Variants in CRISP1 observed in about 807,000 individuals in gnomAD.
CRISP1 encodes the protein cysteine rich secretory protein 1, also known as cysteine-rich secretory protein 1.
CRISP1 carries 44 observed loss-of-function variants against 33.1 expected under a neutral mutation model. The observed-to-expected ratio is 1.33, with a 90% confidence interval of 1.05 to 1.71. The LOEUF (loss-of-function observed/expected upper bound fraction) is 1.71, where lower values mean the gene tolerates loss of function less well. Ranked by LOEUF, CRISP1 falls within the 40% of genes most tolerant of loss-of-function variation. The probability of loss-of-function intolerance (pLI) is 0.00; values close to 1 mark genes in which losing one functional copy is unlikely to be tolerated. For missense variants in CRISP1, 390 were observed against 301.2 expected (o/e 1.29, Z -2.18); for synonymous variants, 103 against 98.7 (o/e 1.04, Z -0.26).
chr6:49,868,160 T>A (rs932747100), upstream of CRISP1, among the ~76,000 whole-genome samples: 1 of 152,156 alleles, frequency 6.6e-6, no homozygotes, highest in African/African-American at 2.4e-5. Flanking sequence ...CAGCTTCATA[T>A]ATGGTTTTAA....
intron 4 of CRISP1, 44 bp downstream of exon 4, chr6:49,848,165 T>TG (rs1278187217): frequency 8.9e-7 from 1 of 1,129,808 alleles, no homozygotes; most frequent in East Asian, 2.4e-5. Context: ...TTACTATTTT[T>TG]TTTTTTTTTA....
At chr6:49,865,024 A>G (rs143807015) in intron 1 of CRISP1, among the ~76,000 whole-genome samples, 156 of 152,294 alleles carry the variant, frequency 1.0e-3, no homozygotes, top group African/African-American at 3.5e-3. Context: ...ATTTTCTTCT[A>G]TAAGATAGAT....
rs774112070 is a variant in CRISP1, at chr6:49,834,555, C to T, written c.*761G>A. 1.1e-4 allele frequency: 17 copies of T among 152,136 alleles called. No individual in the cohort carries two copies. Among genetic ancestry groups the T allele is most frequent in the Non-Finnish European group, 1.9e-4 (13 of 68,008 alleles). The allele number at this position is 152,136 out of a possible 1,614,324, so 9.4% of individuals were successfully genotyped here. A position where few individuals can be genotyped will look rare whatever the true frequency, so the allele number is the denominator to read the frequency against. The stretch of plus-strand genomic sequence containing the variant: ...TCTCCAAACAGAAGCTATTTATGCT[C>T]ATCTGGCAATAATAATATGTGACCT... On this transcript the variant is annotated 3_prime_UTR_variant, in exon 8 of 8. Transcript: ENST00000335847.
rs779785704 is a variant in CRISP1, at chr6:49,835,460, T to C, written c.623-17A>G. The C allele has an allele frequency of 4.3e-6, 7 of 1,612,128 alleles. No homozygotes were observed. The South Asian group carries it at 4.4e-5, about 10-fold the overall frequency. On this transcript the variant is annotated splice_polypyrimidine_tract_variant and intron_variant, in intron 7 of 7. Transcript: ENST00000335847. ...AGGGGTTAGCTGAAAGAAAATAGTA[T>C]GGTTTTACAACACAGTCTTTTAAAA...
chr6:49,848,889 C>T (rs1343197540), intron 3 of CRISP1, among the ~76,000 whole-genome samples: 2 of 151,636 alleles, frequency 1.3e-5, no homozygotes, highest in Non-Finnish European at 3.0e-5. Context: ...CTCACTTTAA[C>T]CTCATGGCAA....
At chr6:49,840,251 T>G (rs1160680593) in intron 6 of CRISP1, among the ~76,000 whole-genome samples, 1 of 152,214 alleles carries the variant, frequency 6.6e-6, no homozygotes, top group African/African-American at 2.4e-5. Flanking sequence ...TTACTTGATC[T>G]TGCTTCATAA....
At chr6:49,852,205 G>A in intron 2 of CRISP1, 76 bp from the exon 3 acceptor site, 1 of 1,358,704 alleles carries the variant, frequency 7.4e-7, no homozygotes, top group Non-Finnish European at 1.0e-6. Flanking sequence ...AGACCTATAG[G>A]TAATGCAAAT....
chr6:49,838,585 AC>A, intron 6 of CRISP1, 60 bp from the exon 7 acceptor site: 1 of 1,314,948 alleles, frequency 7.6e-7, no homozygotes, highest in Admixed American at 1.8e-5. Flanking sequence ...ATAAAACTTT[AC>A]TCACAGTGTA....
chr6:49,854,092 T>C (rs1771428415), intron 2 of CRISP1, among the ~76,000 whole-genome samples: 1 of 152,256 alleles, frequency 6.6e-6, no homozygotes, highest in South Asian at 2.1e-4. Flanking sequence ...CCTTCTTCCC[T>C]CAGTAAAGAG....
At chr6:49,874,935 G>A (rs766881717) in intron 1 of CRISP1, among the ~76,000 whole-genome samples, 20 of 151,704 alleles carry the variant, frequency 1.3e-4, no homozygotes, top group Non-Finnish European at 2.5e-4. Flanking sequence ...CATATATGAC[G>A]AACCCACAGC....
chr6:49,854,401 C>A (rs984954842), intron 2 of CRISP1, among the ~76,000 whole-genome samples: 3 of 152,170 alleles, frequency 2.0e-5, no homozygotes, highest in Admixed American at 1.3e-4. Context: ...AGAAGTCTCA[C>A]TCTGCTGCCA....
At chr6:49,839,822 C>A (rs1770925177) in intron 6 of CRISP1, among the ~76,000 whole-genome samples, 1 of 152,110 alleles carries the variant, frequency 6.6e-6, no homozygotes, top group Non-Finnish European at 1.5e-5. Context: ...TTGTCTTCAG[C>A]ACAATTTATA....
At chr6:49,838,296 A>G in intron 7 of CRISP1, 141 bp downstream of exon 7, 2 of 638,638 alleles carry the variant, frequency 3.1e-6, no homozygotes, top group South Asian at 2.0e-5. Context: ...GCAATTGGGG[A>G]GGGGTAAGCA....
In CRISP1 at chr6:49,852,055, T is replaced by C. The variant is rs141097725; in HGVS notation, c.141A>G (p.Ile47Met). The change falls in exon 3 of 8, where the codon ATA (isoleucine) becomes ATG (methionine). Residue 47 changes from isoleucine (I) to methionine (M), a missense_variant. Transcript: ENST00000335847. ...LPNVQEEIVN[I>M]HNALRRRVVP... ...CTACTCTTCTCCTGAGGGCGTTGTG[T>C]ATATTAACGATCTCTTCTTGTACAT... The C allele has an allele frequency of 3.1e-6, 5 of 1,613,370 alleles. No individual in the cohort carries two copies. The African/African-American group carries it at 6.7e-5, about 22-fold the overall frequency.
intron 1 of CRISP1, among the ~76,000 whole-genome samples, chr6:49,857,872 G>A (rs1208179931): frequency 6.6e-6 from 1 of 152,144 alleles, no homozygotes; most frequent in Non-Finnish European, 1.5e-5. Flanking sequence ...CCAAGCTAAG[G>A]AATATGGATA....
In CRISP1 at chr6:49,852,108, A is replaced by G. The variant is rs1561944865; in HGVS notation, c.88T>C (p.Phe30Leu). The change falls in exon 3 of 8, where the codon TTT (phenylalanine) becomes CTT (leucine). Residue 30 changes from phenylalanine (F) to leucine (L), a missense_variant. Physicochemically the swap from Phe to Leu is conservative, Grantham distance 22 (BLOSUM62 0). Coordinates refer to ENST00000335847, the MANE Select transcript of CRISP1 (RefSeq NM_001131.3). ...SMKKKSARDQ[F>L]NKLVTDLPNV... Reference sequence around the variant, plus strand: ...GGCAAGTCGGTGACGAGCTTATTAAATTGGTCTCTAGCTGATTTCTTCTGT... The same window carrying G: ...GGCAAGTCGGTGACGAGCTTATTAAGTTGGTCTCTAGCTGATTTCTTCTGT... 6.2e-7 allele frequency: 1 copy of G among 1,612,868 alleles called. No homozygotes were observed. The highest frequency in any genetic ancestry group is 2.2e-5 in the East Asian group (1 of 44,834).
At chr6:49,864,888 A>G (rs756654662) in intron 1 of CRISP1, among the ~76,000 whole-genome samples, 30 of 152,158 alleles carry the variant, frequency 2.0e-4, no homozygotes, top group Non-Finnish European at 4.1e-4. Context: ...TTGTTAAACA[A>G]AAGTTTCTAA....
chr6:49,838,533 A>T lies in CRISP1; in HGVS notation c.534-8T>A. On this transcript the variant is annotated splice_polypyrimidine_tract_variant and splice_region_variant and intron_variant, in intron 6 of 7. Transcript: ENST00000335847. ...GTTTCAGGATCATTTCCCCTTGAAT[A>T]AAAAAAAGTGATTTCATAAAACCCA... 1.9e-6 allele frequency: 3 copies of T among 1,588,368 alleles called. No homozygotes were observed. The highest frequency in any genetic ancestry group is 2.6e-6 in the Non-Finnish European group (3 of 1,162,070).
rs574353190 is a variant in CRISP1, at chr6:49,856,305, T to C, written c.66+1030A>G. On this transcript the variant is annotated intron_variant, in intron 2 of 7. Coordinates refer to ENST00000335847, the MANE Select transcript of CRISP1 (RefSeq NM_001131.3). ...TTCTGACTGTTTGCCCTTTTCCCAT[T>C]CCTCTGGAATGGTGGCTATACTTCA... Among the ~76,000 whole-genome samples the C allele has an allele frequency of 2.0e-5, 3 of 152,318 alleles. No homozygotes were observed. The East Asian group carries it at 5.8e-4, about 29-fold the overall frequency.
Sources: allele counts gnomAD v4.1 joint callset (sites outside exome capture counted in the v4.1 genomes callset), GRCh38; gene constraint gnomAD v4.1.1; transcripts MANE v1.5; gene names NCBI Gene and HGNC (gene_info 2026-07-23, HGNC 2026-07-21).